Variants in CDH12 observed in about 807,000 individuals in gnomAD.
CDH12 encodes cadherin 12.
In CDH12, 41 loss-of-function variants were observed where a neutral mutation model predicts 74.1. That is an observed-to-expected ratio of 0.55 (90% CI 0.43 to 0.72). CDH12 has a LOEUF of 0.72. Among genes scored for constraint, CDH12 ranks in the 30% least tolerant of loss-of-function variants. The pLI, the probability that CDH12 is intolerant of heterozygous loss-of-function variation, is 0.00. For synonymous variants in CDH12, 399 were observed against 355.0 expected (o/e 1.12, Z -1.39); for missense variants, 945 against 977.2 (o/e 0.97, Z 0.44).
chr5:22,651,015 G>T (rs1214043620), intron 1 of CDH12, among the ~76,000 whole-genome samples: 1 of 151,960 alleles, frequency 6.6e-6, no homozygotes, highest in Non-Finnish European at 1.5e-5. Context: ...TTTAATATCA[G>T]AAAAGTCTTT....
chr5:22,456,195 G>A (rs757219612), intron 2 of CDH12, among the ~76,000 whole-genome samples: 31 of 151,014 alleles, frequency 2.1e-4, no homozygotes, highest in Non-Finnish European at 4.3e-4. Context: ...AAGCAAATGA[G>A]TTTTGAGTAT....
intron 2 of CDH12, among the ~76,000 whole-genome samples, chr5:22,416,332 C>G (rs568679756): frequency 6.6e-6 from 1 of 151,906 alleles, no homozygotes; most frequent in East Asian, 1.9e-4. Flanking sequence ...GCCTCGGCCT[C>G]CCAAAGTGCT....
At chr5:22,110,984 T>C (rs1453099997) in intron 4 of CDH12, among the ~76,000 whole-genome samples, 2 of 152,262 alleles carry the variant, frequency 1.3e-5, no homozygotes, top group East Asian at 3.9e-4. Context: ...GCCATAATTT[T>C]CTCACTGTAT....
In CDH12 at chr5:22,153,901, T is replaced by TACACAC. The variant is rs1448948559; in HGVS notation, c.-187+58596_-187+58597insGTGTGT. ...ATATATATATATAAATATATATATA[T>TACACAC]ATACACACACATACACACACACACA... On this transcript the variant is annotated intron_variant, in intron 4 of 14. Transcript: ENST00000382254. Among the ~76,000 whole-genome samples the TACACAC allele has an allele frequency of 9.2e-4, 50 of 54,584 alleles. 1 individual carries two copies. Among genetic ancestry groups the TACACAC allele is most frequent in the African/African-American group, 2.4e-3 (47 of 19,594 alleles). 35.8% of individuals were successfully genotyped at this position (54,584 alleles called of 152,430 possible).
At chr5:22,668,772 C>T (rs759091133) in intron 1 of CDH12, among the ~76,000 whole-genome samples, 6 of 152,178 alleles carry the variant, frequency 3.9e-5, no homozygotes, top group Admixed American at 1.3e-4. Context: ...AAGGGACATT[C>T]AAATCATAGC....
intron 1 of CDH12, among the ~76,000 whole-genome samples, chr5:22,658,542 T>C (rs1740180273): frequency 6.6e-6 from 1 of 152,126 alleles, no homozygotes; most frequent in Admixed American, 6.5e-5. Flanking sequence ...GAAGGGCTTT[T>C]ATTCTGGAAC....
intron 5 of CDH12, among the ~76,000 whole-genome samples, chr5:22,006,621 A>C (rs1736978821): frequency 6.6e-6 from 1 of 152,194 alleles, no homozygotes; most frequent in Admixed American, 6.5e-5. Context: ...CTATAGATAT[A>C]ACATTTACAA....
At chr5:22,055,301 A>G (rs1740661998) in intron 5 of CDH12, among the ~76,000 whole-genome samples, 1 of 152,198 alleles carries the variant, frequency 6.6e-6, no homozygotes, top group Non-Finnish European at 1.5e-5. Context: ...CTCACCTGGC[A>G]TACAGGGACT....
chr5:22,078,635 C>T lies in CDH12; in HGVS notation c.42G>A (p.Leu14=), dbSNP rs899518674. ...RNCLSLLLWV[L]FDGGLLTPLQ... ...GTGGTGTTAGGAGACCTCCATCAAACAGAACCCAGAGAAGCAGGGATAAAC... is the reference window on the plus strand; with the variant it reads ...GTGGTGTTAGGAGACCTCCATCAAATAGAACCCAGAGAAGCAGGGATAAAC... The change falls in exon 5 of 15, where the codon CTG becomes CTA. Residue 14 remains leucine, a synonymous_variant. Coordinates refer to ENST00000382254, the MANE Select transcript of CDH12 (RefSeq NM_004061.5). The T allele has an allele frequency of 6.2e-7, 1 of 1,613,712 alleles. No homozygotes were observed. The highest frequency in any genetic ancestry group is 1.3e-5 in the African/African-American group (1 of 74,898).
At chr5:22,508,253 T>G (rs955869257) in intron 1 of CDH12, among the ~76,000 whole-genome samples, 1 of 152,134 alleles carries the variant, frequency 6.6e-6, no homozygotes, top group African/African-American at 2.4e-5. Context: ...AATTCCTATC[T>G]AAGGGGTCTG....
intron 6 of CDH12, among the ~76,000 whole-genome samples, chr5:21,858,404 T>C (rs553279386): frequency 1.3e-5 from 2 of 152,062 alleles, no homozygotes; most frequent in South Asian, 2.1e-4. Flanking sequence ...TGAGTCAATA[T>C]TTTTTGTCCA....
At chr5:21,837,360 G>A (rs1478978850) in intron 8 of CDH12, among the ~76,000 whole-genome samples, 1 of 150,968 alleles carries the variant, frequency 6.6e-6, no homozygotes, top group African/African-American at 2.5e-5. Flanking sequence ...CAAATTAAGA[G>A]GTCACATACA....
chr5:22,335,514 G>A (rs1361104423), intron 3 of CDH12, among the ~76,000 whole-genome samples: 2 of 152,046 alleles, frequency 1.3e-5, no homozygotes, highest in Non-Finnish European at 2.9e-5. Context: ...GAACCTGGGA[G>A]GCAGAGCTTG....
intron 6 of CDH12, among the ~76,000 whole-genome samples, chr5:21,957,089 G>A (rs2547571): frequency 6.6e-5 from 10 of 152,030 alleles, no homozygotes; most frequent in South Asian, 6.2e-4. Flanking sequence ...AGTAGACTCC[G>A]GTGTCTGCTG....
intron 3 of CDH12, among the ~76,000 whole-genome samples, chr5:22,303,321 T>C (rs1194330431): frequency 6.6e-6 from 1 of 152,106 alleles, no homozygotes; most frequent in Non-Finnish European, 1.5e-5. Context: ...GTCACATTAG[T>C]TTATTGTTTA....
intron 6 of CDH12, among the ~76,000 whole-genome samples, chr5:21,957,909 C>T (rs1422119885): frequency 6.6e-6 from 1 of 152,110 alleles, no homozygotes; most frequent in Non-Finnish European, 1.5e-5. Context: ...TGCAGAAGCT[C>T]TTAATAAGTT....
intron 1 of CDH12, among the ~76,000 whole-genome samples, chr5:22,687,446 T>G (rs1296735866): frequency 6.6e-6 from 1 of 152,218 alleles, no homozygotes; most frequent in African/African-American, 2.4e-5. Context: ...CTCACTCTGT[T>G]GCCCAGACTG....
intron 3 of CDH12, among the ~76,000 whole-genome samples, chr5:22,263,589 T>C (rs914683354): frequency 6.6e-6 from 1 of 152,086 alleles, no homozygotes; most frequent in Non-Finnish European, 1.5e-5. Context: ...TTGGGGGGTG[T>C]ATGCATCTAT....
intron 1 of CDH12, among the ~76,000 whole-genome samples, chr5:22,711,324 A>C (rs950931956): frequency 6.6e-6 from 1 of 152,156 alleles, no homozygotes; most frequent in African/African-American, 2.4e-5. Flanking sequence ...GTGGATAAAC[A>C]AAACAGCAAG....
Sources: allele counts gnomAD v4.1 joint callset (sites outside exome capture counted in the v4.1 genomes callset), GRCh38; gene constraint gnomAD v4.1.1; transcripts MANE v1.5; gene names NCBI Gene and HGNC (gene_info 2026-07-23, HGNC 2026-07-21).